Variants in EIF2AK2 observed in about 807,000 individuals in gnomAD.
The protein encoded by EIF2AK2 is eukaryotic translation initiation factor 2 alpha kinase 2, also known as interferon-induced, double-stranded RNA-activated protein kinase.
A neutral mutation model predicts 70.5 loss-of-function variants in EIF2AK2; 40 were observed. That is an observed-to-expected ratio of 0.57 (90% CI 0.44 to 0.74). The LOEUF is 0.74. Among genes scored for constraint, EIF2AK2 ranks in the 30% least tolerant of loss-of-function variants. The pLI, the probability that EIF2AK2 is intolerant of heterozygous loss-of-function variation, is 0.00. For missense variants in EIF2AK2, 555 were observed against 644.3 expected, an observed-to-expected ratio of 0.86 and a Z score of 1.50; for synonymous variants, 198 against 220.9, an observed-to-expected ratio of 0.90 and a Z score of 0.92.
intron 10 of EIF2AK2, among the ~76,000 whole-genome samples, chr2:37,126,762 G>T (rs1032279213): frequency 2.6e-5 from 4 of 151,926 alleles, no homozygotes; most frequent in Non-Finnish European, 5.9e-5. Context: ...TTCAAGACCA[G>T]CCTGGCCAAC....
Position 37,109,198 on chromosome 2 carries a change from G to A in EIF2AK2, c.1475C>T (p.Ser492Leu), listed in dbSNP as rs1223330047. 6.2e-7 allele frequency: 1 copy of A among 1,613,696 alleles called. No homozygotes were observed. ...LHVCDTAFET[S>L]KFFTDLRDGI... ...CTTTCTTTGAGATAATTTTACCTTT[G>A]ATGTTTCAAAAGCAGTGTCACATAC... Residue 492 changes from serine to leucine, a missense_variant, in exon 15 of 17, where the codon TCA becomes TTA. Coordinates refer to ENST00000233057, the MANE Select transcript of EIF2AK2 (RefSeq NM_001135651.3).
At chr2:37,146,500 CTT>C (rs1385279991) in intron 4 of EIF2AK2, among the ~76,000 whole-genome samples, 6 of 152,220 alleles carry the variant, frequency 3.9e-5, no homozygotes. Context: ...ACTTTCATCT[CTT>C]TTTCCTTTTT....
chr2:37,144,364 T>TCA (rs1553339446), intron 4 of EIF2AK2, among the ~76,000 whole-genome samples: 2 of 146,862 alleles, frequency 1.4e-5, no homozygotes, highest in Non-Finnish European at 3.0e-5. Flanking sequence ...TCCTTCTACT[T>TCA]AAAAAAAAAA....
In EIF2AK2 at chr2:37,135,561, T is replaced by A. The variant is rs1217941633; in HGVS notation, c.723-15A>T. ...GTGCCAAAGATCTAAAAATTAAGAG[T>A]TGAATGTAAAACTCAAATAAAATTG... On this transcript the variant is annotated splice_polypyrimidine_tract_variant and intron_variant, in intron 9 of 16. Transcript: ENST00000233057. 6.2e-7 allele frequency: 1 copy of A among 1,601,218 alleles called. No individual in the cohort carries two copies. The highest frequency in any genetic ancestry group is 8.5e-7 in the Non-Finnish European group (1 of 1,172,556).
In EIF2AK2 at chr2:37,102,548, T is replaced by TA; in HGVS notation, c.*4724dup. 6.6e-6 allele frequency: 1 copy of TA among 152,322 alleles called. No homozygotes were observed. Among genetic ancestry groups the TA allele is most frequent in the South Asian group, 2.1e-4 (1 of 4,826 alleles). 9.4% of individuals were successfully genotyped at this position (152,322 alleles called of 1,614,324 possible). A position where few individuals can be genotyped will look rare whatever the true frequency, so the allele number is the denominator to read the frequency against. Reference sequence around the variant, plus strand: ...GATAGTAGAGACCTGGAAAAGCTTGTATGTAGCCTTTTAAACATTTCTTCT... The same window carrying TA: ...GATAGTAGAGACCTGGAAAAGCTTGTAATGTAGCCTTTTAAACATTTCTTCT... On this transcript the variant is annotated 3_prime_UTR_variant, in exon 17 of 17. Coordinates refer to ENST00000233057, the MANE Select transcript of EIF2AK2 (RefSeq NM_001135651.3).
intron 13 of EIF2AK2, among the ~76,000 whole-genome samples, chr2:37,116,209 A>T (rs1674336184): frequency 6.6e-6 from 1 of 151,742 alleles, no homozygotes; most frequent in Non-Finnish European, 1.5e-5. Flanking sequence ...CATAGGAGGT[A>T]TTGACCAATA....
chr2:37,110,425 C>G (rs553602524), intron 14 of EIF2AK2, among the ~76,000 whole-genome samples: 1 of 151,740 alleles, frequency 6.6e-6, no homozygotes, highest in Non-Finnish European at 1.5e-5. Flanking sequence ...GAAAAAAAAA[C>G]CACACACACA....
chr2:37,140,937 T>A (rs1219199723), intron 5 of EIF2AK2, among the ~76,000 whole-genome samples: 3 of 152,212 alleles, frequency 2.0e-5, no homozygotes, highest in African/African-American at 7.2e-5. Context: ...ACTCATTTGA[T>A]TTCTGCTTTT....
chr2:37,150,971 T>C (rs1480006831), intron 1 of EIF2AK2, among the ~76,000 whole-genome samples: 2 of 152,122 alleles, frequency 1.3e-5, no homozygotes, highest in South Asian at 2.1e-4. Context: ...AAAATATAAA[T>C]GTACAAGCGA....
chr2:37,139,327 A>C lies in EIF2AK2; in HGVS notation c.516+304T>G, dbSNP rs560948188. Among the ~76,000 whole-genome samples the C allele has an allele frequency of 4.0e-5, 6 of 151,768 alleles. No homozygotes were observed. In the South Asian group the frequency reaches 1.0e-3, roughly 26 times the overall value. Reference sequence around the variant, plus strand: ...GAGATTCCATCTCAAAAAAAAAAAAAAAAAAACTCCTGAACTCAGGAGATC... The same window carrying C: ...GAGATTCCATCTCAAAAAAAAAAAACAAAAAACTCCTGAACTCAGGAGATC... On this transcript the variant is annotated intron_variant, in intron 6 of 16. Transcript: ENST00000233057.
At position 37,138,326 on chromosome 2, in the gene EIF2AK2, C is replaced by G. The variant is rs368634140; in HGVS notation, c.631G>C (p.Asp211His). ...ESSSEGDFSA[D>H]TSEINSNSDS... ...CTGTTAGAATTTATCTCTGATGTAT[C>G]TGCTGAGAAGTCACCTTCAGATGAT... The change falls in exon 8 of 17, where the codon GAT (aspartate) becomes CAT (histidine). Residue 211 changes from aspartate (D) to histidine (H), a missense_variant. By Grantham distance (81) the Asp-to-His change is moderately conservative. Coordinates refer to ENST00000233057, the MANE Select transcript of EIF2AK2 (RefSeq NM_001135651.3). 11 of 1,613,852 alleles carry G rather than the reference C, an allele frequency of 6.8e-6. No homozygotes were observed. In the African/African-American group the frequency reaches 1.5e-4, roughly 22 times the overall value.
intron 5 of EIF2AK2, 55 bp downstream of exon 5, chr2:37,141,498 C>G: frequency 3.8e-6 from 6 of 1,571,922 alleles, no homozygotes; most frequent in Non-Finnish European, 5.2e-6. Flanking sequence ...GAAAATAAAC[C>G]AACTTTATTG....
At chr2:37,122,270 T>C (rs993496534) in intron 12 of EIF2AK2, among the ~76,000 whole-genome samples, 1 of 152,184 alleles carries the variant, frequency 6.6e-6, no homozygotes, top group Admixed American at 6.5e-5. Flanking sequence ...ACCTGAGATT[T>C]TGCAGACAGC....
chr2:37,141,510 T>C (rs1005539293), intron 5 of EIF2AK2, 43 bp downstream of exon 5: 60 of 1,598,712 alleles, frequency 3.8e-5, no homozygotes, highest in Non-Finnish European at 4.8e-5. Context: ...ACTTTATTGC[T>C]TAAATACAAT....
rs756165008 is a variant in EIF2AK2 at position 37,136,971 on chromosome 2, A to G, written c.722+12T>C. 1.2e-6 allele frequency: 2 copies of G among 1,600,152 alleles called. No homozygotes were observed. The highest frequency in any genetic ancestry group is 2.3e-5 in the South Asian group (2 of 88,550). The stretch of plus-strand genomic sequence containing the variant: ...TCAGATCAAAATATGTTCAATGCAT[A>G]ATGATACTCACCTTTTTGCCTTCCT... On this transcript the variant is annotated intron_variant, in intron 9 of 16. Coordinates refer to ENST00000233057, the MANE Select transcript of EIF2AK2 (RefSeq NM_001135651.3).
intron 7 of EIF2AK2, 21 bp downstream of exon 7, chr2:37,138,488 C>T: frequency 6.2e-7 from 1 of 1,612,338 alleles, no homozygotes; most frequent in African/African-American, 1.3e-5. Flanking sequence ...TTAAGTATCT[C>T]AATTGTTTGT....
At chr2:37,108,575 AT>A (rs1456790516) in intron 15 of EIF2AK2, among the ~76,000 whole-genome samples, 1 of 152,022 alleles carries the variant, frequency 6.6e-6, no homozygotes, top group Non-Finnish European at 1.5e-5. Context: ...GGCTTTATTC[AT>A]TTATTTATTT....
rs1382743100 is a variant in EIF2AK2, at chr2:37,104,192, T to G, written c.*3081A>C. 6.6e-6 allele frequency: 1 copy of G among 151,920 alleles called. No individual in the cohort carries two copies. The highest frequency in any genetic ancestry group is 2.4e-5 in the African/African-American group (1 of 41,354). 9.4% of individuals were successfully genotyped at this position (151,920 alleles called of 1,614,324 possible). On this transcript the variant is annotated 3_prime_UTR_variant, in exon 17 of 17. Coordinates refer to ENST00000233057, the MANE Select transcript of EIF2AK2 (RefSeq NM_001135651.3). ...TAAAACAAAACAAAAAGACATTTTC[T>G]ACATATACTATTATCACACCTGAGA... is the stretch of plus-strand genomic sequence containing the variant.
intron 14 of EIF2AK2, among the ~76,000 whole-genome samples, chr2:37,113,684 A>G (rs1306558213): frequency 6.6e-6 from 1 of 152,168 alleles, no homozygotes; most frequent in Non-Finnish European, 1.5e-5. Flanking sequence ...GGGAAAGGAT[A>G]TGAGTAGAGA....
Sources: allele counts gnomAD v4.1 joint callset (sites outside exome capture counted in the v4.1 genomes callset), GRCh38; gene constraint gnomAD v4.1.1; transcripts MANE v1.5; gene names NCBI Gene and HGNC (gene_info 2026-07-23, HGNC 2026-07-21).